Variants in SPRY3 observed in about 807,000 individuals in gnomAD.
SPRY3 encodes the protein protein sprouty homolog 3.
Under a neutral mutation model 20.2 loss-of-function variants are expected in SPRY3, and 15 were observed. That is an observed-to-expected ratio of 0.74 (90% CI 0.50 to 1.14). The LOEUF is 1.14. Ranked by LOEUF, SPRY3 falls within the 50% of genes most tolerant of loss-of-function variation. The pLI is 0.00. For missense variants in SPRY3, 364 were observed against 363.9 expected, an observed-to-expected ratio of 1.00 and a Z score of 0.00; for synonymous variants, 143 against 136.5, an observed-to-expected ratio of 1.05 and a Z score of -0.33.
chrX:155,768,631 G>A (rs188073819), intron 3 of SPRY3, among the ~76,000 whole-genome samples: 1 of 152,090 alleles, frequency 6.6e-6, no homozygotes, highest in Non-Finnish European at 1.5e-5. Context: ...GGGTAGACAT[G>A]GCGCAAGCTG....
exon 4 of SPRY3, chrX:155,774,365 C>T: frequency 6.2e-7 from 1 of 1,614,042 alleles, no homozygotes; most frequent in East Asian, 2.2e-5. Context: ...CGCCCTCTCC[C>T]CTCCTGCTGG....
chrX:155,764,881 A>C (rs1184424828), intron 2 of SPRY3, among the ~76,000 whole-genome samples: 2 of 152,196 alleles, frequency 1.3e-5, no homozygotes, highest in African/African-American at 4.8e-5. Flanking sequence ...TTGACTAGAT[A>C]ACTTATAAAC....
intron 2 of SPRY3, among the ~76,000 whole-genome samples, chrX:155,762,729 A>G (rs757460268): frequency 2.6e-5 from 4 of 152,338 alleles, no homozygotes; most frequent in African/African-American, 9.6e-5. Flanking sequence ...GGCTGCAGAT[A>G]AAAGAGTATG....
At chrX:155,698,397 C>T (rs781688142) in intron 2 of SPRY3, among the ~76,000 whole-genome samples, 2 of 111,494 alleles carry the variant, frequency 1.8e-5, no homozygotes, top group South Asian at 7.6e-4. Context: ...TACCACATTC[C>T]ATTTCTCTGC....
chrX:155,737,124 C>A (rs1279464420), intron 2 of SPRY3, among the ~76,000 whole-genome samples: 1 of 152,036 alleles, frequency 6.6e-6, no homozygotes, highest in Non-Finnish European at 1.5e-5. Context: ...CCATTACAGC[C>A]CTTAACATAT....
intron 2 of SPRY3, among the ~76,000 whole-genome samples, chrX:155,743,706 G>A (rs1019330101): frequency 2.0e-5 from 3 of 151,954 alleles, no homozygotes; most frequent in African/African-American, 7.3e-5. Flanking sequence ...ACAAACAAAT[G>A]TACAAATAGT....
In SPRY3 at chrX:155,662,558, G is replaced by A. The variant is rs190160879; in HGVS notation, c.-282+5533G>A. On this transcript the variant is annotated intron_variant, in intron 2 of 3. Transcript: ENST00000675360. The stretch of plus-strand genomic sequence containing the variant: ...CAGATAAAAGCCAGCTGAGCAATGT[G>A]CAGTTGTGTTAGCTGAAGTTGTAAT... Among the ~76,000 whole-genome samples the A allele has an allele frequency of 9.2e-4, 101 of 109,523 alleles. No homozygotes were observed. The Middle Eastern group carries it at 0.023, about 25-fold the overall frequency.
At chrX:155,643,598 T>C (rs1425490167) in intron 1 of SPRY3, among the ~76,000 whole-genome samples, 7 of 111,661 alleles carry the variant, frequency 6.3e-5, no homozygotes, top group Non-Finnish European at 1.1e-4. Context: ...GCTGGTATTA[T>C]TTAATTTCTC....
chrX:155,677,724 T>C (rs1175938472), intron 2 of SPRY3, among the ~76,000 whole-genome samples: 3 of 111,795 alleles, frequency 2.7e-5, no homozygotes, highest in African/African-American at 6.5e-5. Flanking sequence ...TATTGTGCCA[T>C]CCTTAAAACT....
chrX:155,748,769 C>G (rs1431390874), intron 2 of SPRY3, among the ~76,000 whole-genome samples: 1 of 151,850 alleles, frequency 6.6e-6, no homozygotes, highest in African/African-American at 2.4e-5. Context: ...GCTTTTCTCT[C>G]TTTCCACGTA....
intron 2 of SPRY3, among the ~76,000 whole-genome samples, chrX:155,758,080 C>G (rs2091290136): frequency 6.6e-6 from 1 of 152,188 alleles, no homozygotes; most frequent in Non-Finnish European, 1.5e-5. Flanking sequence ...TTTAACCCCT[C>G]TGTTCTTCTA....
chrX:155,621,569 G>A (rs1229035541), intron 1 of SPRY3, among the ~76,000 whole-genome samples: 1 of 111,395 alleles, frequency 9.0e-6, no homozygotes, highest in Non-Finnish European at 1.9e-5. Flanking sequence ...CTCATAAAAT[G>A]AGTTGGGCTA....
chrX:155,645,925 C>T (rs913872725), intron 1 of SPRY3, among the ~76,000 whole-genome samples: 2 of 111,286 alleles, frequency 1.8e-5, no homozygotes, highest in Non-Finnish European at 3.8e-5. Flanking sequence ...TCCAGATTCA[C>T]TCTTCTGTTT....
At chrX:155,739,554 G>A (rs1019943973) in intron 2 of SPRY3, among the ~76,000 whole-genome samples, 38 of 152,182 alleles carry the variant, frequency 2.5e-4, no homozygotes, top group Non-Finnish European at 4.9e-4. Context: ...TCCTAGAGGA[G>A]TGTTCAGACC....
At chrX:155,766,198 GCACCTTAAA>G (rs1392007912) in intron 2 of SPRY3, among the ~76,000 whole-genome samples, 2 of 152,098 alleles carry the variant, frequency 1.3e-5, no homozygotes, top group African/African-American at 4.8e-5. Context: ...ACTGTTTGGA[GCACCTTAAA>G]CACATACATA....
At chrX:155,642,512 C>T (rs2067945401) in intron 1 of SPRY3, among the ~76,000 whole-genome samples, 1 of 110,518 alleles carries the variant, frequency 9.0e-6, no homozygotes, top group African/African-American at 3.3e-5. Context: ...TTCTTTTCTT[C>T]TACTAATTTG....
chrX:155,629,442 T>C (rs2067899144), intron 1 of SPRY3, among the ~76,000 whole-genome samples: 1 of 111,200 alleles, frequency 9.0e-6, no homozygotes, highest in Non-Finnish European at 1.9e-5. Flanking sequence ...GTCTTTGCTA[T>C]TGTGAATAGT....
intron 2 of SPRY3, among the ~76,000 whole-genome samples, chrX:155,729,124 TC>T (rs1878802004): frequency 6.6e-6 from 1 of 152,108 alleles, no homozygotes; most frequent in Admixed American, 6.6e-5. Context: ...GCTGGAGACT[TC>T]AACAGCCCAC....
chrX:155,674,879 A>C (rs1557355117), intron 2 of SPRY3, among the ~76,000 whole-genome samples: 1 of 111,672 alleles, frequency 9.0e-6, no homozygotes, highest in African/African-American at 3.3e-5. Context: ...AGGACTACAG[A>C]TCTTTCTATG....
Sources: gnomAD v4.1 joint callset for allele counts (sites outside exome capture counted in the v4.1 genomes callset) on GRCh38, gnomAD v4.1.1 for gene constraint, MANE v1.5 for transcripts, NCBI Gene and HGNC (gene_info 2026-07-23, HGNC 2026-07-21) for gene names.